PHYKPL: variants seen among roughly 807,000 people sequenced by gnomAD.
PHYKPL encodes 5-phosphonooxy-L-lysine phospho-lyase.
In PHYKPL, 42 loss-of-function variants were observed where a neutral mutation model predicts 51.3. The observed-to-expected ratio is 0.82, with a 90% confidence interval of 0.64 to 1.06. The LOEUF is 1.06. Ranked by LOEUF, PHYKPL falls within the 50% of genes least tolerant of loss-of-function variation. PHYKPL has a pLI of 0.00. For synonymous variants in PHYKPL, 264 were observed against 236.0 expected (o/e 1.12, Z -1.09); for missense variants, 655 against 586.6 (o/e 1.12, Z -1.20).
chr5:178,218,967 C>CA (rs973214820), intron 8 of PHYKPL, among the ~76,000 whole-genome samples: 16 of 151,464 alleles, frequency 1.1e-4, no homozygotes, highest in Middle Eastern at 3.4e-3. Flanking sequence ...TCTCAAAAAA[C>CA]AAAAAAAAGT....
chr5:178,213,686 G>A (rs1320518623), intron 10 of PHYKPL, among the ~76,000 whole-genome samples: 1 of 152,204 alleles, frequency 6.6e-6, no homozygotes, highest in Non-Finnish European at 1.5e-5. Context: ...GCATGATTGT[G>A]TTTATATTCT....
chr5:178,214,333 C>G (rs918150292), intron 10 of PHYKPL, among the ~76,000 whole-genome samples: 23 of 152,220 alleles, frequency 1.5e-4, no homozygotes, highest in Non-Finnish European at 1.2e-4. Context: ...GAGACACCCC[C>G]GACCCAGCTT....
chr5:178,207,220 A>G, downstream of PHYKPL: 1 of 1,614,162 alleles, frequency 6.2e-7, no homozygotes, highest in South Asian at 1.1e-5. Flanking sequence ...TGTCAGTGGA[A>G]GCAAGGTAAG....
At chr5:178,212,077 T>C (rs1237104855) in intron 11 of PHYKPL, 107 bp from the exon 12 acceptor site, 1 of 1,211,326 alleles carries the variant, frequency 8.3e-7, no homozygotes, top group East Asian at 2.4e-5. Flanking sequence ...TTGGGCCCTC[T>C]GGCTATCCAC....
chr5:178,221,967 G>A (rs967741517), intron 8 of PHYKPL, among the ~76,000 whole-genome samples: 1 of 152,182 alleles, frequency 6.6e-6, no homozygotes, highest in African/African-American at 2.4e-5. Context: ...AAGACAGGGA[G>A]CCACTGCAAT....
rs919268213 is a variant in PHYKPL, at chr5:178,232,715, T to A, written c.-165A>T. ...AGCGCCCGCGTTGCGGTGGTTCATT[T>A]CTTCGCTTGCCCACTGGGCCTGGCA... On this transcript the variant is annotated 5_prime_UTR_variant, in exon 1 of 13. Transcript: ENST00000308158. 1.3e-6 allele frequency: 1 copy of A among 775,656 alleles called. No individual in the cohort carries two copies. The highest frequency in any genetic ancestry group is 1.7e-6 in the Non-Finnish European group (1 of 577,476). The allele number at this position is 775,656 out of a possible 1,614,324, so 48.0% of individuals were successfully genotyped here.
intron 12 of PHYKPL, chr5:178,211,652 T>TG (rs1182797975): frequency 2.1e-6 from 1 of 474,972 alleles, no homozygotes; most frequent in Non-Finnish European, 3.8e-6. Context: ...AAGGGTGGGT[T>TG]GGGGTTCCAC....
intron 8 of PHYKPL, among the ~76,000 whole-genome samples, chr5:178,218,216 C>CAAAAA (rs777929826): frequency 9.7e-4 from 56 of 57,640 alleles, no homozygotes; most frequent in South Asian, 1.5e-3. Context: ...AACTCCGTCT[C>CAAAAA]AAAAAAAAAA....
intron 7 of PHYKPL, 29 bp from the exon 8 acceptor site, chr5:178,222,609 G>T (rs543691949): frequency 6.2e-7 from 1 of 1,606,754 alleles, no homozygotes; most frequent in East Asian, 2.2e-5. Flanking sequence ...CTGACACGGG[G>T]GCTGTGGTTG....
At chr5:178,213,156 G>C (rs1758994319) in intron 10 of PHYKPL, 53 bp from the exon 11 acceptor site, 1 of 1,600,936 alleles carries the variant, frequency 6.2e-7, no homozygotes, top group African/African-American at 1.3e-5. Flanking sequence ...CCTCAGCCTG[G>C]CCTTGGCCTC....
Position 178,213,200 on chromosome 5 carries a change from C to G in PHYKPL, c.1173-97G>C, listed in dbSNP as rs75576583. ...TGCTCCAGCCACACTGTCCTCAGAGCCTTCCATGGGCCAGTTCCTGCCAGG... is the reference window on the plus strand; with the variant it reads ...TGCTCCAGCCACACTGTCCTCAGAGGCTTCCATGGGCCAGTTCCTGCCAGG... On this transcript the variant is annotated intron_variant, in intron 10 of 12. Coordinates refer to ENST00000308158, the MANE Select transcript of PHYKPL (RefSeq NM_153373.4). 1.6e-3 allele frequency: 2,366 copies of G among 1,510,516 alleles called. 37 individuals are homozygous for G. In the African/African-American group the frequency reaches 0.029, roughly 18 times the overall value. The allele number at this position is 1,510,516 out of a possible 1,614,324, so 93.6% of individuals were successfully genotyped here.
intron 8 of PHYKPL, among the ~76,000 whole-genome samples, chr5:178,218,444 C>T (rs1488390845): frequency 2.0e-5 from 3 of 152,102 alleles, no homozygotes; most frequent in African/African-American, 7.2e-5. Context: ...AGAGGTGGGG[C>T]CTTTAGGTTA....
Position 178,213,039 on chromosome 5 carries a change from G to C in PHYKPL, c.1237C>G (p.Pro413Ala). 6.2e-7 allele frequency: 1 copy of C among 1,614,190 alleles called. No individual in the cohort carries two copies. Among genetic ancestry groups the C allele is most frequent in the Non-Finnish European group, 8.5e-7 (1 of 1,180,032 alleles). The change falls in exon 11 of 13, where the codon CCC becomes GCC. Residue 413 changes from proline to alanine, a missense_variant. Physicochemically the swap from Pro to Ala is conservative, Grantham distance 27. Coordinates refer to ENST00000308158, the MANE Select transcript of PHYKPL (RefSeq NM_153373.4). ...TTGTCCAGGCTGAAGCACATTGGGG[G>C]CTTAAACTTCAGGATGTTCCTCCCA... is the stretch of plus-strand genomic sequence containing the variant. ...GPGRNILKFK[P>A]PMCFSLDNAR... is the part of the protein sequence containing the mutation.
At chr5:178,221,472 C>A (rs570912080) in intron 8 of PHYKPL, among the ~76,000 whole-genome samples, 44 of 152,270 alleles carry the variant, frequency 2.9e-4, no homozygotes, top group African/African-American at 1.1e-3. Flanking sequence ...GCCTGTCTTT[C>A]CCCGACAGTG....
At chr5:178,223,050 C>A in intron 6 of PHYKPL, 116 bp from the exon 7 acceptor site, 2 of 957,698 alleles carry the variant, frequency 2.1e-6, no homozygotes, top group Non-Finnish European at 3.2e-6. Context: ...GTGCTGCACC[C>A]CTACTTTGGG....
At chr5:178,214,068 C>T (rs537428497) in intron 10 of PHYKPL, among the ~76,000 whole-genome samples, 2 of 152,168 alleles carry the variant, frequency 1.3e-5, no homozygotes, top group Admixed American at 6.5e-5. Flanking sequence ...AGAGAGAAGG[C>T]GGGACCAGGA....
intron 1 of PHYKPL, 37 bp downstream of exon 1, chr5:178,232,455 C>T (rs1763709289): frequency 7.3e-7 from 1 of 1,375,600 alleles, no homozygotes; most frequent in Non-Finnish European, 9.3e-7. Context: ...CTCCGCGCAG[C>T]CCCGCGCCCC....
chr5:178,232,630 G>A lies in PHYKPL; in HGVS notation c.-80C>T, dbSNP rs2913859. ...GCTGGGCCTCCAAGGCCCCGCTCCG[G>A]GCCCCGCCCCTGCCTGGGTCGGGAT... On this transcript the variant is annotated 5_prime_UTR_variant, in exon 1 of 13. Coordinates refer to ENST00000308158, the MANE Select transcript of PHYKPL (RefSeq NM_153373.4). 535,050 of 1,226,872 alleles carry A rather than the reference G, an allele frequency of 0.44. 121,969 individuals are homozygous for A. The highest frequency in any genetic ancestry group is 0.47 in the South Asian group (12,415 of 26,608). 76.0% of individuals were successfully genotyped at this position (1,226,872 alleles called of 1,614,324 possible).
At chr5:178,225,787 C>A in intron 3 of PHYKPL, 1 of 281,792 alleles carries the variant, frequency 3.5e-6, no homozygotes, top group Non-Finnish European at 7.0e-6. Flanking sequence ...TCCCCACCAC[C>A]AGGCAAGCAA....
Sources: allele counts gnomAD v4.1 joint callset (sites outside exome capture counted in the v4.1 genomes callset), GRCh38; gene constraint gnomAD v4.1.1; transcripts MANE v1.5; gene names NCBI Gene and HGNC (gene_info 2026-07-23, HGNC 2026-07-21).